The following PCDHGA11 variants were observed in gnomAD, a reference collection of about 807,000 sequenced individuals.
PCDHGA11 encodes the protein protocadherin gamma subfamily A, 11.
PCDHGA11 carries 39 observed loss-of-function variants against 60.4 expected under a neutral mutation model. The observed-to-expected ratio is 0.65, with a 90% CI of 0.50 to 0.84. PCDHGA11 has a LOEUF of 0.84. Among genes scored for constraint, PCDHGA11 ranks in the 40% least tolerant of loss-of-function variants. The pLI, the probability that PCDHGA11 is intolerant of heterozygous loss-of-function variation, is 0.00. For synonymous variants in PCDHGA11, 533 were observed against 510.3 expected (o/e 1.04, Z -0.60); for missense variants, 1,165 against 1,197.7 (o/e 0.97, Z 0.40).
rs777668071 is a variant in PCDHGA11 at position 141,491,848 on chromosome 5, C to G, written c.2434-2959C>G. The G allele has an allele frequency of 3.4e-6, 5 of 1,461,482 alleles. No homozygotes were observed. The highest frequency in any genetic ancestry group is 4.5e-6 in the Non-Finnish European group (5 of 1,104,578). 90.5% of individuals were successfully genotyped at this position (1,461,482 alleles called of 1,614,324 possible). A position where few individuals can be genotyped will look rare whatever the true frequency, so the allele number is the denominator to read the frequency against. ...CACCCGATTCTCGGGATCATTGGAC[C>G]GTTTGCGCGAAACCAGAGTGGCCGA... On this transcript the variant is annotated intron_variant, in intron 1 of 3. Transcript: ENST00000398587. The surrounding 1 kb of genome is among the most constrained non-coding windows in gnomAD (Gnocchi z 6.9).
At chr5:141,502,074 C>G (rs73794927) in intron 2 of PCDHGA11, among the ~76,000 whole-genome samples, 1,657 of 152,272 alleles carry the variant, frequency 0.011, 27 homozygotes, top group African/African-American at 0.037. Flanking sequence ...CCCCCTTCAC[C>G]TGGGGCTGAG....
At chr5:141,473,733 G>A (rs943072050) in intron 1 of PCDHGA11, among the ~76,000 whole-genome samples, 19 of 152,214 alleles carry the variant, frequency 1.2e-4, no homozygotes, top group Admixed American at 3.9e-4. Flanking sequence ...GAGAGAGGGA[G>A]AAGACATGAG....
chr5:141,478,045 T>A, intron 1 of PCDHGA11: 1 of 1,614,144 alleles, frequency 6.2e-7, no homozygotes, highest in Non-Finnish European at 8.5e-7. Context: ...CCAGGCAGAC[T>A]CTCACGGTCT....
intron 1 of PCDHGA11, among the ~76,000 whole-genome samples, chr5:141,484,322 T>C (rs2099594801): frequency 6.6e-6 from 1 of 152,214 alleles, no homozygotes; most frequent in Non-Finnish European, 1.5e-5. Flanking sequence ...TTCCATACTG[T>C]CCTTGAAATC....
At chr5:141,465,923 C>G (rs908350232) in intron 1 of PCDHGA11, among the ~76,000 whole-genome samples, 2 of 152,062 alleles carry the variant, frequency 1.3e-5, no homozygotes, top group African/African-American at 4.8e-5. Flanking sequence ...GATTTCGAGT[C>G]CATCCTGGCT....
At chr5:141,424,668 A>G (rs1561816018) in intron 1 of PCDHGA11, 1 of 152,196 alleles carries the variant, frequency 6.6e-6, no homozygotes, top group Non-Finnish European at 1.5e-5. Flanking sequence ...AATTAAACTG[A>G]TTTAGCTAGT....
intron 1 of PCDHGA11, chr5:141,426,519 C>T: frequency 8.8e-6 from 3 of 341,848 alleles, no homozygotes; most frequent in South Asian, 6.9e-5. Flanking sequence ...TTACCGTGAA[C>T]ACGGAGAATG....
At chr5:141,453,481 T>TA (rs1178324090) in intron 1 of PCDHGA11, among the ~76,000 whole-genome samples, 1 of 151,928 alleles carries the variant, frequency 6.6e-6, no homozygotes, top group African/African-American at 2.4e-5. Context: ...TCAAAACTAT[T>TA]AAAAAAAGGT....
chr5:141,431,397 C>A lies in PCDHGA11; in HGVS notation c.2433+7737C>A. ...AAGGCTGCTCACCACCTGGTCCTTA[C>A]GGCCTCCGACGGGGGCGACCCGGTG... On this transcript the variant is annotated intron_variant, in intron 1 of 3. Coordinates refer to ENST00000398587, the MANE Select transcript of PCDHGA11 (RefSeq NM_018914.3). The surrounding 1 kb of genome is among the most constrained non-coding windows in gnomAD (Gnocchi z 4.8). 3.1e-6 allele frequency: 5 copies of A among 1,613,782 alleles called. No individual in the cohort carries two copies. Among genetic ancestry groups the A allele is most frequent in the Non-Finnish European group, 4.2e-6 (5 of 1,180,034 alleles).
chr5:141,423,669 T>C lies in PCDHGA11; in HGVS notation c.2433+9T>C. ...ACCCGACAAGTAATCAGGTGAGATT[T>C]ATTTCTCTGCCTCCTAATTGTTGGT... On this transcript the variant is annotated intron_variant, in intron 1 of 3. Coordinates refer to ENST00000398587, the MANE Select transcript of PCDHGA11 (RefSeq NM_018914.3). 1 of 1,554,480 alleles carries C rather than the reference T, an allele frequency of 6.4e-7. No individual in the cohort carries two copies. The highest frequency in any genetic ancestry group is 8.7e-7 in the Non-Finnish European group (1 of 1,153,028).
intron 1 of PCDHGA11, among the ~76,000 whole-genome samples, chr5:141,458,719 G>A (rs891521416): frequency 5.9e-5 from 9 of 151,684 alleles, no homozygotes; most frequent in Non-Finnish European, 1.2e-4. Context: ...ACAGGTATTC[G>A]CCACCACATC....
chr5:141,478,612 G>A (rs1311028260), intron 1 of PCDHGA11: 2 of 1,558,218 alleles, frequency 1.3e-6, no homozygotes, highest in African/African-American at 1.4e-5. Flanking sequence ...TATTGAGGAA[G>A]GAATGGAGCT....
rs2099669219 is a variant in PCDHGA11, at chr5:141,487,927, C to T, written c.2434-6880C>T. 3 of 626,498 alleles carry T rather than the reference C, an allele frequency of 4.8e-6. No homozygotes were observed. Among genetic ancestry groups the T allele is most frequent in the Admixed American group, 5.9e-5 (2 of 34,100 alleles). The allele number at this position is 626,498 out of a possible 1,614,324, so 38.8% of individuals were successfully genotyped here. On this transcript the variant is annotated intron_variant, in intron 1 of 3. Coordinates refer to ENST00000398587, the MANE Select transcript of PCDHGA11 (RefSeq NM_018914.3). The surrounding 1 kb of genome is among the most constrained non-coding windows in gnomAD (Gnocchi z 5.0). ...TGGGAGCACAGGAGGCTACAGTGCA[C>T]AGGGTACAGTGCACCAGGCAGTCAC...
chr5:141,454,908 C>T (rs1370482009), intron 1 of PCDHGA11, among the ~76,000 whole-genome samples: 3 of 145,392 alleles, frequency 2.1e-5, no homozygotes, highest in Non-Finnish European at 4.5e-5. Context: ...CCCGGGTTCA[C>T]GCCATTCTCC....
At chr5:141,478,625 T>A in intron 1 of PCDHGA11, 3 of 1,554,218 alleles carry the variant, frequency 1.9e-6, no homozygotes, top group Non-Finnish European at 2.6e-6. Context: ...ATGGAGCTGT[T>A]TTTTTAGTGA....
In PCDHGA11 at chr5:141,477,556, T is replaced by C. The variant is rs2099412953; in HGVS notation, c.2434-17251T>C. On this transcript the variant is annotated intron_variant, in intron 1 of 3. Transcript: ENST00000398587. The surrounding 1 kb of genome is among the most constrained non-coding windows in gnomAD (Gnocchi z 4.9). The stretch of plus-strand genomic sequence containing the variant: ...CCGGGGCTCCAATACTAAACCTAAG[T>C]GTCTGGGACCCCGACGCCCCGCAGA... 6.2e-7 allele frequency: 1 copy of C among 1,614,164 alleles called. No homozygotes were observed. The highest frequency in any genetic ancestry group is 1.1e-5 in the South Asian group (1 of 91,086).
rs2099606506 is a variant in PCDHGA11 at position 141,485,072 on chromosome 5, G to A, written c.2434-9735G>A. ...CCGGCCGAACCGCGCCAGAGCTGGC[G>A]CGGGGAAAGGGAGATAGGTGTCTCC... On this transcript the variant is annotated intron_variant, in intron 1 of 3. Transcript: ENST00000398587. This position sits in a 1 kb window ranked among gnomAD's most constrained non-coding sequence, Gnocchi z 5.7. 2 of 916,892 alleles carry A rather than the reference G, an allele frequency of 2.2e-6. No homozygotes were observed. The highest frequency in any genetic ancestry group is 3.4e-6 in the Non-Finnish European group (2 of 587,886). The allele number at this position is 916,892 out of a possible 1,614,324, so 56.8% of individuals were successfully genotyped here.
intron 1 of PCDHGA11, among the ~76,000 whole-genome samples, chr5:141,438,705 G>A (rs555160868): frequency 2.0e-4 from 29 of 145,842 alleles, no homozygotes; most frequent in African/African-American, 7.1e-4. Flanking sequence ...CTGTCACCCA[G>A]GCTGGAGTGC....
intron 1 of PCDHGA11, chr5:141,428,067 G>A (rs753358896): frequency 6.2e-7 from 1 of 1,609,228 alleles, no homozygotes; most frequent in South Asian, 1.1e-5. Flanking sequence ...GGTGGACGCA[G>A]ATTCGGGACA....
Sources: gnomAD v4.1 joint callset for allele counts (sites outside exome capture counted in the v4.1 genomes callset) on GRCh38, gnomAD v4.1.1 for gene constraint, Gnocchi (gnomAD v3.1) non-coding constraint, MANE v1.5 for transcripts, NCBI Gene and HGNC (gene_info 2026-07-23, HGNC 2026-07-21) for gene names.